Variants in WASF3 observed in about 807,000 individuals in gnomAD.
The protein encoded by WASF3 is actin-binding protein WASF3.
WASF3 carries 11 observed loss-of-function variants against 46.6 expected under a neutral mutation model. That is an observed-to-expected ratio of 0.24 (90% CI 0.15 to 0.39). WASF3 has a LOEUF of 0.39. Among genes scored for constraint, WASF3 ranks in the 10% least tolerant of loss-of-function variants. The probability of loss-of-function intolerance (pLI) is 1.00; values close to 1 mark genes in which losing one functional copy is unlikely to be tolerated. For synonymous variants in WASF3, 242 were observed against 259.7 expected (o/e 0.93, Z 0.65); for missense variants, 576 against 669.8 (o/e 0.86, Z 1.55).
chr13:26,675,512 ACACACACACACG>A (rs749476074), intron 6 of WASF3, among the ~76,000 whole-genome samples: 1 of 117,248 alleles, frequency 8.5e-6, no homozygotes, highest in African/African-American at 3.0e-5. Context: ...ACACACACAC[ACACACACACACG>A]TATATATTTA....
At position 26,682,345 on chromosome 13, in the gene WASF3, C is replaced by T. The variant is rs1003805477; in HGVS notation, c.984-262C>T. 2.6e-5 allele frequency among the ~76,000 whole-genome samples: 4 copies of T among 152,236 alleles called. No individual in the cohort carries two copies. The highest frequency in any genetic ancestry group is 4.4e-5 in the Non-Finnish European group (3 of 68,046). ...TCTGCAGTCAGCTGCTTTATTCTGCCTTTCTTCAGGAAGTGCTGCACTTTT... is the reference window on the plus strand; with the variant it reads ...TCTGCAGTCAGCTGCTTTATTCTGCTTTTCTTCAGGAAGTGCTGCACTTTT... On this transcript the variant is annotated intron_variant, in intron 8 of 9. Coordinates refer to ENST00000335327, the MANE Select transcript of WASF3 (RefSeq NM_006646.6). The surrounding 1 kb of genome is among the most constrained non-coding windows in gnomAD (Gnocchi z 4.4).
At chr13:26,540,818 C>A in the WASF3 span, among the ~76,000 whole-genome samples, 1 of 152,184 alleles carries the variant, frequency 6.6e-6, no homozygotes, top group Non-Finnish European at 1.5e-5. Context: ...TAGGAGATAA[C>A]ACTGAGAAGA....
In WASF3 at chr13:26,685,812, C is replaced by T. The variant is rs1379298347; in HGVS notation, c.1476C>T (p.Asp492=). 1.2e-6 allele frequency: 2 copies of T among 1,614,000 alleles called. No homozygotes were observed. Among genetic ancestry groups the T allele is most frequent in the Admixed American group, 1.7e-5 (1 of 60,032 alleles). ...TGGAGTACAGCGACTCTGACGACGA[C>T]TCAGAGTTCGACGAGAACGACTGGT... ...IAVEYSDSDD[D]SEFDENDWSD is the part of the protein sequence containing the mutation. The change falls in exon 10 of 10, where the codon GAC becomes GAT. Residue 492 remains aspartate (D), a synonymous_variant. Transcript: ENST00000335327.
intron 1 of WASF3, among the ~76,000 whole-genome samples, chr13:26,585,703 G>T (rs1057331811): frequency 6.6e-6 from 1 of 152,058 alleles, no homozygotes; most frequent in African/African-American, 2.4e-5. Context: ...TTGATGGTAA[G>T]ACCATATAAT....
upstream of WASF3, among the ~76,000 whole-genome samples, chr13:26,554,067 C>CCTTT (rs2138172789): frequency 1.1e-5 from 1 of 92,818 alleles, no homozygotes; most frequent in East Asian, 3.2e-4. Flanking sequence ...TTCCTTCCTT[C>CCTTT]CTTCCTTCCT....
intron 9 of WASF3, 118 bp downstream of exon 9, chr13:26,683,092 T>C: frequency 2.2e-6 from 3 of 1,380,818 alleles, no homozygotes; most frequent in Non-Finnish European, 2.9e-6. Context: ...TAAAATAGAG[T>C]TAAAGGGGTC....
At chr13:26,558,937 A>G (rs1355311645) in intron 1 of WASF3, among the ~76,000 whole-genome samples, 2 of 152,210 alleles carry the variant, frequency 1.3e-5, no homozygotes, top group African/African-American at 2.4e-5. Context: ...ATGCGACTCT[A>G]TCAAAACTAA....
intron 2 of WASF3, among the ~76,000 whole-genome samples, chr13:26,629,618 CT>C (rs557727971): frequency 2.8e-4 from 42 of 152,284 alleles, no homozygotes; most frequent in African/African-American, 9.6e-4. Context: ...TATGAGTCTG[CT>C]GCCTGTGTAA....
At chr13:26,565,293 C>T (rs927810555) in intron 1 of WASF3, among the ~76,000 whole-genome samples, 4 of 151,838 alleles carry the variant, frequency 2.6e-5, no homozygotes, top group African/African-American at 9.7e-5. Flanking sequence ...GTGCCATTAA[C>T]CAGAAAGATG....
At chr13:26,631,073 G>C (rs1459968496) in intron 2 of WASF3, among the ~76,000 whole-genome samples, 1 of 152,148 alleles carries the variant, frequency 6.6e-6, no homozygotes, top group Non-Finnish European at 1.5e-5. Flanking sequence ...CAGATGAGTA[G>C]ATTGCAAAAA....
chr13:26,557,663 G>C (rs955748196), upstream of WASF3: 7 of 159,828 alleles, frequency 4.4e-5, no homozygotes, highest in Non-Finnish European at 9.5e-5. Context: ...CCCCCGCCGG[G>C]AGGGGGCGTG....
intron 1 of WASF3, chr13:26,577,028 T>C: frequency 1.4e-6 from 1 of 718,792 alleles, no homozygotes; most frequent in South Asian, 1.5e-5. Flanking sequence ...GGAAAGATGC[T>C]AGTCACCAGG....
rs9512320 is a variant in WASF3 at position 26,666,657 on chromosome 13, C to T, written c.269-860C>T. 3.4e-3 allele frequency among the ~76,000 whole-genome samples: 522 copies of T among 152,108 alleles called. 3 individuals are homozygous for T. Among genetic ancestry groups the T allele is most frequent in the Middle Eastern group, 6.8e-3 (2 of 294 alleles). On this transcript the variant is annotated intron_variant, in intron 4 of 9. Transcript: ENST00000335327. The stretch of plus-strand genomic sequence containing the variant: ...GCTCACGCCTGTAATCCCAGCACTT[C>T]GGGAGGCCGAGGCAGGCGGATCATG...
At chr13:26,660,579 G>A (rs1372287450) in intron 3 of WASF3, among the ~76,000 whole-genome samples, 2 of 151,824 alleles carry the variant, frequency 1.3e-5, no homozygotes, top group African/African-American at 4.9e-5. Context: ...GAGCAGCATG[G>A]GGTACTCTGG....
chr13:26,554,048 C>T (rs531985010), upstream of WASF3, among the ~76,000 whole-genome samples: 1,340 of 64,174 alleles, frequency 0.021, 227 homozygotes, highest in African/African-American at 0.025. Flanking sequence ...TCTTTCCTTC[C>T]TTCCTTCCTT....
the WASF3 span, among the ~76,000 whole-genome samples, chr13:26,542,408 G>A: frequency 6.6e-6 from 1 of 152,372 alleles, no homozygotes; most frequent in South Asian, 2.1e-4. Context: ...GTGCAAAGCT[G>A]TGCTGTTGGC....
intron 1 of WASF3, among the ~76,000 whole-genome samples, chr13:26,558,790 A>G (rs894526714): frequency 6.6e-6 from 1 of 152,222 alleles, no homozygotes; most frequent in Non-Finnish European, 1.5e-5. Context: ...TAAAAAGACT[A>G]CTTTTCGCAG....
chr13:26,660,182 GTT>G (rs1326204619), intron 3 of WASF3, among the ~76,000 whole-genome samples: 1 of 51,082 alleles, frequency 2.0e-5, no homozygotes, highest in Non-Finnish European at 4.4e-5. Flanking sequence ...ATTAGCTTTT[GTT>G]TTTTGTTTGG....
intron 3 of WASF3, among the ~76,000 whole-genome samples, chr13:26,655,791 A>T (rs1052385815): frequency 1.3e-5 from 2 of 151,912 alleles, no homozygotes; most frequent in Non-Finnish European, 2.9e-5. Flanking sequence ...ACTTATTTTG[A>T]TCCTTACGTT....
Sources: allele counts gnomAD v4.1 joint callset (sites outside exome capture counted in the v4.1 genomes callset), GRCh38; gene constraint gnomAD v4.1.1; non-coding constraint Gnocchi (gnomAD v3.1); transcripts MANE v1.5; gene names NCBI Gene and HGNC (gene_info 2026-07-23, HGNC 2026-07-21).